The following SHANK1 variants were observed in gnomAD, a reference collection of about 807,000 sequenced individuals.
The protein encoded by SHANK1 is SH3 and multiple ankyrin repeat domains protein 1.
SHANK1 carries 35 observed loss-of-function variants against 165.6 expected under a neutral mutation model. That is an observed-to-expected ratio of 0.21 (90% CI 0.16 to 0.28). The LOEUF is 0.28. SHANK1 is among the 10% of genes least tolerant of loss of function. SHANK1 has a pLI of 1.00. For missense variants in SHANK1, 2,681 were observed against 3,036.4 expected (o/e 0.88, Z 2.75); for synonymous variants, 1,428 against 1,384.8 (o/e 1.03, Z -0.69).
At chr19:50,689,009 G>T (rs983549903) in intron 16 of SHANK1, 41 bp from the exon 17 acceptor site, 9 of 1,430,924 alleles carry the variant, frequency 6.3e-6, no homozygotes, top group South Asian at 1.2e-5. Context: ...AGGGGAGGGG[G>T]TGGAGAGGCC....
At position 50,663,743 on chromosome 19, in the gene SHANK1, G is replaced by GA. The variant is rs570620815; in HGVS notation, c.5769-1062dup. 5.4e-3 allele frequency among the ~76,000 whole-genome samples: 615 copies of GA among 112,878 alleles called. 4 individuals carry two copies. The highest frequency in any genetic ancestry group is 0.019 in the Middle Eastern group (4 of 208). 74.1% of individuals were successfully genotyped at this position (112,878 alleles called of 152,430 possible). On this transcript the variant is annotated intron_variant, in intron 23 of 23. Coordinates refer to ENST00000293441, the MANE Select transcript of SHANK1 (RefSeq NM_016148.5). ...CTTCCTGTTGCTGCTACAAGCAGTG[G>GA]AAAAAAAAAAAAAGAAAAGAAAAAA...
rs1599877925 is a variant in SHANK1 at position 50,719,763 on chromosome 19, C to T, written c.-401G>A. Among the ~76,000 whole-genome samples, 1 of 151,452 alleles carries T rather than the reference C, an allele frequency of 6.6e-6. No individual in the cohort carries two copies. The highest frequency in any genetic ancestry group is 2.0e-4 in the East Asian group (1 of 5,070). Reference sequence around the variant, plus strand: ...CGCCGCCGCCGCCCGCTCCGCGCCTCCTCTGCCACCCTTCTCGCTCTCTCG... The same window carrying T: ...CGCCGCCGCCGCCCGCTCCGCGCCTTCTCTGCCACCCTTCTCGCTCTCTCG... On this transcript the variant is annotated 5_prime_UTR_variant, in exon 1 of 24. Coordinates refer to ENST00000293441, the MANE Select transcript of SHANK1 (RefSeq NM_016148.5).
chr19:50,694,207 G>A (rs1026356620), intron 15 of SHANK1, among the ~76,000 whole-genome samples: 2 of 151,580 alleles, frequency 1.3e-5, no homozygotes, highest in Non-Finnish European at 2.9e-5. Context: ...GCACACACAC[G>A]CACGCGGCTG....
At chr19:50,692,660 G>C (rs1986577757) in intron 15 of SHANK1, among the ~76,000 whole-genome samples, 2 of 151,422 alleles carry the variant, frequency 1.3e-5, no homozygotes, top group African/African-American at 4.9e-5. Flanking sequence ...TCCCACCACA[G>C]TCTCCTTGAA....
Position 50,668,276 on chromosome 19 carries a change from G to C in SHANK1, c.3684C>G (p.Phe1228Leu). The change falls in exon 23 of 24, where the codon TTC becomes TTG. Residue 1228 changes from phenylalanine (F) to leucine (L), a missense_variant. Phe to Leu is a conservative substitution (Grantham distance 22). Around this residue, in one of 10 missense-constraint regions of SHANK1, gnomAD observed 1,713 missense variants for 1,630.2 expected, o/e 1.05. Transcript: ENST00000293441. ...CCAGGGCGGCCCCGAACTGGCTCGT[G>C]AAGTCCAGCGTGGCCGGGCCGCTGG... is the stretch of plus-strand genomic sequence containing the variant. ...ASPSGPATLD[F>L]TSQFGAALVG... 7.2e-7 allele frequency: 1 copy of C among 1,381,274 alleles called. No individual in the cohort carries two copies. Among genetic ancestry groups the C allele is most frequent in the Non-Finnish European group, 9.3e-7 (1 of 1,079,936 alleles). The allele number at this position is 1,381,274 out of a possible 1,614,324, so 85.6% of individuals were successfully genotyped here.
chr19:50,697,550 G>C lies in SHANK1; in HGVS notation c.1937+39C>G. ...AAGGTGTACATTGTGAAGGGAACTT[G>C]GGGTGAGGGGGGTTGCCCGAGGGTG... On this transcript the variant is annotated intron_variant, in intron 14 of 23. Coordinates refer to ENST00000293441, the MANE Select transcript of SHANK1 (RefSeq NM_016148.5). The surrounding 1 kb of genome is among the most constrained non-coding windows in gnomAD (Gnocchi z 4.7). The C allele has an allele frequency of 6.9e-7, 1 of 1,456,060 alleles. No individual in the cohort carries two copies. The highest frequency in any genetic ancestry group is 9.7e-7 in the Non-Finnish European group (1 of 1,036,068). 90.2% of individuals were successfully genotyped at this position (1,456,060 alleles called of 1,614,324 possible).
At position 50,688,693 on chromosome 19, in the gene SHANK1, G is replaced by T; in HGVS notation, c.2172+151C>A. ...GAGGCCTTTAGATGGAATCGCTGGG[G>T]AAAGCAGAGGCTGGCTGGGGGGTGG... is the stretch of plus-strand genomic sequence containing the variant. On this transcript the variant is annotated intron_variant, in intron 17 of 23. Transcript: ENST00000293441. The surrounding 1 kb of genome is among the most constrained non-coding windows in gnomAD (Gnocchi z 6.7). The T allele has an allele frequency of 1.4e-6, 1 of 699,492 alleles. No individual in the cohort carries two copies. The highest frequency in any genetic ancestry group is 2.7e-5 in the East Asian group (1 of 36,422). 43.3% of individuals were successfully genotyped at this position (699,492 alleles called of 1,614,324 possible).
In SHANK1 at chr19:50,668,015, G is replaced by C; in HGVS notation, c.3945C>G (p.Ala1315=). 6.8e-7 allele frequency: 1 copy of C among 1,474,894 alleles called. No homozygotes were observed. The allele number at this position is 1,474,894 out of a possible 1,614,324, so 91.4% of individuals were successfully genotyped here. Residue 1315 remains alanine (A), a synonymous_variant, in exon 23 of 24, where the codon GCC becomes GCG. Coordinates refer to ENST00000293441, the MANE Select transcript of SHANK1 (RefSeq NM_016148.5). Reference sequence around the variant, plus strand: ...CGCCACCCCCGTAGGCTCGGCTACCGGCCCCGTAGCCGCCGTAGCCCGCGC... The same window carrying C: ...CGCCACCCCCGTAGGCTCGGCTACCCGCCCCGTAGCCGCCGTAGCCCGCGC... ...GSGAGYGGYG[A]GSRAYGGGGG...
intron 11 of SHANK1, among the ~76,000 whole-genome samples, chr19:50,703,073 T>C (rs1233611211): frequency 6.6e-6 from 1 of 151,900 alleles, no homozygotes; most frequent in East Asian, 1.9e-4. Flanking sequence ...CGCCTCCTTC[T>C]CACCCTCCTC....
Position 50,716,151 on chromosome 19 carries a change from G to C in SHANK1, c.459+124C>G. On this transcript the variant is annotated intron_variant, in intron 3 of 23. Transcript: ENST00000293441. This position sits in a 1 kb window ranked among gnomAD's most constrained non-coding sequence, Gnocchi z 8.4. The stretch of plus-strand genomic sequence containing the variant: ...TCTGACTTCCCTGTGATGCTTAGAA[G>C]GTCTGGACTCGCACACTGGGTGCCC... 1 of 854,396 alleles carries C rather than the reference G, an allele frequency of 1.2e-6. No individual in the cohort carries two copies. The allele number at this position is 854,396 out of a possible 1,614,324, so 52.9% of individuals were successfully genotyped here.
Position 50,668,566 on chromosome 19 carries a change from G to A in SHANK1, c.3394C>T (p.Pro1132Ser), listed in dbSNP as rs555392420. Residue 1132 changes from proline to serine, a missense_variant, in exon 23 of 24, where the codon CCC (proline) becomes TCC (serine). Pro to Ser is a moderately conservative substitution (Grantham distance 74). Coordinates refer to ENST00000293441, the MANE Select transcript of SHANK1 (RefSeq NM_016148.5). Reference protein sequence around the residue: ...KGGGLPPAPSPTSPASPQPPP... With the variant: ...KGGGLPPAPSSTSPASPQPPP... ...GGCTGCGGGGAGGCCGGGGACGTGGGCGACGGCGCGGGCGGGAGGCCGCCG... is the reference window on the plus strand; with the variant it reads ...GGCTGCGGGGAGGCCGGGGACGTGGACGACGGCGCGGGCGGGAGGCCGCCG... 2.2e-6 allele frequency: 3 copies of A among 1,337,610 alleles called. No homozygotes were observed. The highest frequency in any genetic ancestry group is 2.9e-6 in the Non-Finnish European group (3 of 1,043,210). The allele number at this position is 1,337,610 out of a possible 1,614,324, so 82.9% of individuals were successfully genotyped here.
In SHANK1 at chr19:50,686,775, C is replaced by T. The variant is rs747138490; in HGVS notation, c.2427G>A (p.Glu809=). Residue 809 remains glutamate, a synonymous_variant, in exon 20 of 24, where the codon GAG becomes GAA. Transcript: ENST00000293441. The surrounding 1 kb of genome is among the most constrained non-coding windows in gnomAD (Gnocchi z 5.7). Reference sequence around the variant, plus strand: ...CCATCTGATACACGGTCCGCTTTTTCTCCATGCTGGGCACCGGCGCCGGCT... The same window carrying T: ...CCATCTGATACACGGTCCGCTTTTTTTCCATGCTGGGCACCGGCGCCGGCT... ...EQQPAPVPSM[E]KKRTVYQMAL... 2.9e-5 allele frequency: 47 copies of T among 1,613,704 alleles called. No homozygotes were observed. The highest frequency in any genetic ancestry group is 4.0e-5 in the Non-Finnish European group (47 of 1,179,820).
chr19:50,688,804 T>C lies in SHANK1; in HGVS notation c.2172+40A>G, dbSNP rs756056194. 3 of 1,587,904 alleles carry C rather than the reference T, an allele frequency of 1.9e-6. No individual in the cohort carries two copies. ...TGAATCATGAGGGGGTCTGGGAACT[T>C]GTCACAGGGTCCCAGGGAAGAGAGG... On this transcript the variant is annotated intron_variant, in intron 17 of 23. Coordinates refer to ENST00000293441, the MANE Select transcript of SHANK1 (RefSeq NM_016148.5). The surrounding 1 kb of genome is among the most constrained non-coding windows in gnomAD (Gnocchi z 6.7).
At chr19:50,675,164 G>A (rs1435225255) in intron 21 of SHANK1, among the ~76,000 whole-genome samples, 2 of 152,064 alleles carry the variant, frequency 1.3e-5, no homozygotes, top group African/African-American at 4.8e-5. Context: ...GAGTGCAAGA[G>A]TTCAAGGCTT....
In SHANK1 at chr19:50,692,456, G is replaced by GATATATATATATATATATATATATATAT. The variant is rs142402078; in HGVS notation, c.1965-3178_1965-3177insATATATATATATATATATATATATATAT. Reference sequence around the variant, plus strand: ...TCAAAGCCAAGATTTGAATTCACCAGATATATATATATATATACACACACA... The same window carrying GATATATATATATATATATATATATATAT: ...TCAAAGCCAAGATTTGAATTCACCAGATATATATATATATATATATATATATATATATATATATATATATACACACACA... On this transcript the variant is annotated intron_variant, in intron 15 of 23. Coordinates refer to ENST00000293441, the MANE Select transcript of SHANK1 (RefSeq NM_016148.5). 2.3e-3 allele frequency among the ~76,000 whole-genome samples: 294 copies of GATATATATATATATATATATATATATAT among 128,018 alleles called. 3 individuals carry two copies. The highest frequency in any genetic ancestry group is 7.3e-3 in the African/African-American group (227 of 30,970). The allele number at this position is 128,018 out of a possible 152,430, so 84.0% of individuals were successfully genotyped here. A position where few individuals can be genotyped will look rare whatever the true frequency, so the allele number is the denominator to read the frequency against.
Position 50,668,718 on chromosome 19 carries a change from G to A in SHANK1, c.3242C>T (p.Ala1081Val), listed in dbSNP as rs1318401243. Residue 1081 changes from alanine (A) to valine (V), a missense_variant, in exon 23 of 24, where the codon GCT becomes GTT. This residue lies in a region of SHANK1 where 1,713 missense variants were observed against 1,630.2 expected (regional missense o/e 1.05). Transcript: ENST00000293441. ...CGGGGGCAGCTGGAAATAGCGTAGAGCCGGGCCCTGGGAGGAGCCGCCGCC... is the reference window on the plus strand; with the variant it reads ...CGGGGGCAGCTGGAAATAGCGTAGAACCGGGCCCTGGGAGGAGCCGCCGCC... ...GGGGGSSQGPALRYFQLPPRA... is the reference protein window; with the variant it reads ...GGGGGSSQGPVLRYFQLPPRA... 3 of 1,289,388 alleles carry A rather than the reference G, an allele frequency of 2.3e-6. No individual in the cohort carries two copies. The highest frequency in any genetic ancestry group is 8.2e-5 in the Admixed American group (2 of 24,306). The allele number at this position is 1,289,388 out of a possible 1,614,324, so 79.9% of individuals were successfully genotyped here.
intron 21 of SHANK1, among the ~76,000 whole-genome samples, chr19:50,672,424 T>G (rs1232719800): frequency 6.6e-6 from 1 of 151,794 alleles, no homozygotes; most frequent in African/African-American, 2.4e-5. Context: ...GGCAGGCGCC[T>G]GTAATCCCAG....
chr19:50,659,605 G>GT lies in SHANK1; in HGVS notation c.*2359dup, dbSNP rs1406702100. Reference sequence around the variant, plus strand: ...GACAATTCTCGGGCTTTTATTTCAGGTTTTTTTTCTGGATTTTTTTGTGTG... The same window carrying GT: ...GACAATTCTCGGGCTTTTATTTCAGGTTTTTTTTTCTGGATTTTTTTGTGTG... On this transcript the variant is annotated 3_prime_UTR_variant, in exon 24 of 24. Transcript: ENST00000293441. Among the ~76,000 whole-genome samples the GT allele has an allele frequency of 2.2e-5, 3 of 135,238 alleles. No individual in the cohort carries two copies. Among genetic ancestry groups the GT allele is most frequent in the Non-Finnish European group, 4.6e-5 (3 of 64,674 alleles). The allele number at this position is 135,238 out of a possible 152,430, so 88.7% of individuals were successfully genotyped here.
intron 22 of SHANK1, 55 bp downstream of exon 22, chr19:50,671,963 C>G: frequency 7.7e-7 from 1 of 1,300,162 alleles, no homozygotes; most frequent in Non-Finnish European, 1.1e-6. Flanking sequence ...TTTTCCTGAA[C>G]TGTCACGTTC....
Sources: allele counts gnomAD v4.1 joint callset (sites outside exome capture counted in the v4.1 genomes callset), GRCh38; gene constraint gnomAD v4.1.1; regional missense constraint gnomAD v4.1.1; non-coding constraint Gnocchi (gnomAD v3.1); transcripts MANE v1.5; gene names NCBI Gene and HGNC (gene_info 2026-07-23, HGNC 2026-07-21).